The following BTRC variants were observed in gnomAD, a reference collection of about 807,000 sequenced individuals.
The protein encoded by BTRC is beta-transducin repeat containing E3 ubiquitin protein ligase.
A neutral mutation model predicts 85.5 loss-of-function variants in BTRC; 42 were observed. The ratio of observed to expected loss-of-function variants is 0.49; its 90% CI spans 0.38 to 0.64. BTRC has a LOEUF of 0.64. BTRC is among the 30% of genes least tolerant of loss of function. BTRC has a pLI of 0.00. For synonymous variants in BTRC, 255 were observed against 263.3 expected (o/e 0.97, Z 0.30); for missense variants, 594 against 743.5 (o/e 0.80, Z 2.34).
intron 4 of BTRC, among the ~76,000 whole-genome samples, chr10:101,506,644 C>G (rs1271073135): frequency 2.6e-5 from 4 of 152,148 alleles, no homozygotes; most frequent in African/African-American, 9.7e-5. Context: ...GTTAAAATTC[C>G]AAGCTCAGAT....
chr10:101,535,726 C>T (rs949575781), intron 11 of BTRC, among the ~76,000 whole-genome samples: 1 of 152,126 alleles, frequency 6.6e-6, no homozygotes, highest in Admixed American at 6.5e-5. Flanking sequence ...TTTTCTTTGC[C>T]ATTGTTTTTA....
intron 4 of BTRC, among the ~76,000 whole-genome samples, chr10:101,505,443 C>A (rs1003674472): frequency 8.0e-5 from 12 of 150,670 alleles, no homozygotes; most frequent in South Asian, 2.1e-4. Context: ...CACGGTGAAA[C>A]CCCGTCTCTA....
chr10:101,443,937 A>G (rs1009570352), intron 2 of BTRC, among the ~76,000 whole-genome samples: 1 of 152,186 alleles, frequency 6.6e-6, no homozygotes. Flanking sequence ...TTCAGAACCT[A>G]TCCTCAAGGA....
chr10:101,506,850 G>A (rs896565065), intron 4 of BTRC, among the ~76,000 whole-genome samples: 2 of 152,082 alleles, frequency 1.3e-5, no homozygotes, highest in African/African-American at 4.8e-5. Flanking sequence ...CTAGCTGCAG[G>A]GGTTTTTGAA....
At chr10:101,422,879 G>A (rs1453544612) in intron 1 of BTRC, among the ~76,000 whole-genome samples, 2 of 152,118 alleles carry the variant, frequency 1.3e-5, no homozygotes, top group Non-Finnish European at 2.9e-5. Flanking sequence ...TTGCCTTGTA[G>A]TATAGTTTGA....
rs1368130412 is a variant in BTRC, at chr10:101,553,180, C to T, written c.*57C>T. 1 of 152,668 alleles carries T rather than the reference C, an allele frequency of 6.6e-6. No homozygotes were observed. Among genetic ancestry groups the T allele is most frequent in the Non-Finnish European group, 1.5e-5 (1 of 68,046 alleles). The allele number at this position is 152,668 out of a possible 1,614,324, so 9.5% of individuals were successfully genotyped here. A position where few individuals can be genotyped will look rare whatever the true frequency, so the allele number is the denominator to read the frequency against. On this transcript the variant is annotated 3_prime_UTR_variant, in exon 15 of 15. Coordinates refer to ENST00000370187, the MANE Select transcript of BTRC (RefSeq NM_033637.4). ...GACCCATTAAAGTTGCGGTATTTAA[C>T]GTATCTGCCAATACCAGGATGAGCA...
intron 1 of BTRC, among the ~76,000 whole-genome samples, chr10:101,376,814 AAC>A (rs919525386): frequency 2.6e-5 from 4 of 152,162 alleles, no homozygotes; most frequent in African/African-American, 9.7e-5. Context: ...ACAACATTCT[AAC>A]ACAAAGCAAT....
At chr10:101,437,623 A>G (rs942806507) in intron 2 of BTRC, among the ~76,000 whole-genome samples, 1 of 152,160 alleles carries the variant, frequency 6.6e-6, no homozygotes, top group Non-Finnish European at 1.5e-5. Context: ...ATATTGCTCA[A>G]ATTCTACATT....
At chr10:101,469,154 G>A (rs1945457019) in intron 3 of BTRC, among the ~76,000 whole-genome samples, 1 of 152,148 alleles carries the variant, frequency 6.6e-6, no homozygotes, top group Non-Finnish European at 1.5e-5. Flanking sequence ...TGTTGCATGG[G>A]GACAGAACCT....
At chr10:101,542,585 T>G (rs2062484686) in intron 13 of BTRC, among the ~76,000 whole-genome samples, 1 of 152,212 alleles carries the variant, frequency 6.6e-6, no homozygotes, top group African/African-American at 2.4e-5. Flanking sequence ...TCGTGGTTTT[T>G]GTTTGAGACA....
At chr10:101,378,869 T>C (rs1942859163) in intron 1 of BTRC, among the ~76,000 whole-genome samples, 2 of 152,110 alleles carry the variant, frequency 1.3e-5, no homozygotes, top group Non-Finnish European at 2.9e-5. Context: ...CAGTATTCAG[T>C]AATATATTGA....
At chr10:101,507,981 T>C (rs1946585447) in intron 4 of BTRC, among the ~76,000 whole-genome samples, 2 of 152,338 alleles carry the variant, frequency 1.3e-5, no homozygotes, top group African/African-American at 4.8e-5. Context: ...GTGAATTTCT[T>C]GGTTTAGAAC....
At chr10:101,468,278 A>G (rs1945433352) in intron 3 of BTRC, among the ~76,000 whole-genome samples, 1 of 152,106 alleles carries the variant, frequency 6.6e-6, no homozygotes, top group Non-Finnish European at 1.5e-5. Context: ...ATTTTCATAT[A>G]GAGAGTTGTG....
intron 1 of BTRC, among the ~76,000 whole-genome samples, chr10:101,379,932 G>T (rs989135284): frequency 7.5e-4 from 114 of 152,156 alleles, no homozygotes; most frequent in African/African-American, 2.6e-3. Context: ...CATATTTTTT[G>T]ATCCTTGTTT....
intron 12 of BTRC, among the ~76,000 whole-genome samples, chr10:101,537,019 G>A (rs769359871): frequency 2.0e-5 from 3 of 152,154 alleles, no homozygotes; most frequent in Non-Finnish European, 4.4e-5. Context: ...AGTATTTGGG[G>A]ACTTAGTGTG....
intron 1 of BTRC, among the ~76,000 whole-genome samples, chr10:101,393,304 C>T (rs963295090): frequency 1.4e-4 from 22 of 152,110 alleles, no homozygotes; most frequent in Non-Finnish European, 2.2e-4. Context: ...GTAAGTGTTT[C>T]CCTCAGTTCT....
At chr10:101,503,196 C>CATTTA (rs1946437836) in intron 4 of BTRC, among the ~76,000 whole-genome samples, 1 of 152,108 alleles carries the variant, frequency 6.6e-6, no homozygotes, top group Non-Finnish European at 1.5e-5. Context: ...TTCAGAAAGA[C>CATTTA]ATTTAAGCTT....
At chr10:101,474,269 T>C (rs1945615210) in intron 3 of BTRC, among the ~76,000 whole-genome samples, 1 of 152,234 alleles carries the variant, frequency 6.6e-6, no homozygotes, top group African/African-American at 2.4e-5. Flanking sequence ...CACTATGACC[T>C]TGTGGAGGCT....
intron 3 of BTRC, among the ~76,000 whole-genome samples, chr10:101,478,173 C>T (rs535602999): frequency 3.3e-5 from 5 of 151,650 alleles, no homozygotes; most frequent in South Asian, 2.1e-4. Flanking sequence ...TGGTGGCAGG[C>T]GCCTGTAAGC....
Sources: gnomAD v4.1 joint callset for allele counts (sites outside exome capture counted in the v4.1 genomes callset) on GRCh38, gnomAD v4.1.1 for gene constraint, MANE v1.5 for transcripts, NCBI Gene and HGNC (gene_info 2026-07-23, HGNC 2026-07-21) for gene names.